ZNF777: variants seen among roughly 807,000 people sequenced by gnomAD.
The protein encoded by ZNF777 is zinc finger protein 777.
Under a neutral mutation model 72.1 loss-of-function variants are expected in ZNF777, and 7 were observed. The observed-to-expected ratio is 0.10, with a 90% CI of 0.06 to 0.18. ZNF777 has a LOEUF of 0.18. ZNF777 is among the 10% of genes least tolerant of loss of function. The probability of loss-of-function intolerance (pLI) is 1.00; values close to 1 mark genes in which losing one functional copy is unlikely to be tolerated. For missense variants in ZNF777, 828 were observed against 1,128.6 expected, an observed-to-expected ratio of 0.73 and a Z score of 3.82; for synonymous variants, 545 against 483.5, an observed-to-expected ratio of 1.13 and a Z score of -1.67.
intron 1 of ZNF777, among the ~76,000 whole-genome samples, chr7:149,457,541 T>A (rs1488697568): frequency 6.6e-6 from 1 of 152,244 alleles, no homozygotes; most frequent in East Asian, 1.9e-4. Flanking sequence ...TAGTCACCTA[T>A]CAGAGACTTA....
chr7:149,452,036 CGG>C (rs1799726759), intron 3 of ZNF777, among the ~76,000 whole-genome samples: 1 of 148,888 alleles, frequency 6.7e-6, no homozygotes, highest in African/African-American at 2.5e-5. Flanking sequence ...GAGGCCGAGG[CGG>C]GCGGATCACA....
intron 1 of ZNF777, among the ~76,000 whole-genome samples, chr7:149,457,177 C>T (rs1025720045): frequency 3.3e-5 from 5 of 152,154 alleles, no homozygotes; most frequent in South Asian, 2.1e-4. Context: ...TGTTCCTCAC[C>T]CTGCCATACT....
intron 4 of ZNF777, among the ~76,000 whole-genome samples, chr7:149,437,030 CAAGTT>C (rs1236831081): frequency 6.6e-6 from 1 of 151,976 alleles, no homozygotes; most frequent in Non-Finnish European, 1.5e-5. Flanking sequence ...AAACTGTAGT[CAAGTT>C]AAAATAGATG....
Position 149,436,757 on chromosome 7 carries a change from G to A in ZNF777, c.1157C>T (p.Pro386Leu), listed in dbSNP as rs1439245990. 1.2e-6 allele frequency: 2 copies of A among 1,614,108 alleles called. No homozygotes were observed. Among genetic ancestry groups the A allele is most frequent in the African/African-American group, 2.7e-5 (2 of 75,002 alleles). The change falls in exon 5 of 6, where the codon CCT becomes CTT. Residue 386 changes from proline to leucine, a missense_variant. Pro to Leu is a moderately conservative substitution (Grantham distance 98). This residue lies in a region of ZNF777 where 219 missense variants were observed against 223.0 expected (regional missense o/e 0.98). Transcript: ENST00000247930. The surrounding 1 kb of genome is among the most constrained non-coding windows in gnomAD (Gnocchi z 5.0). ...NDEGSESLET[P>L]EPLMGQVEEH... ...TTCCACCTGTCCCATCAGGGGCTCA[G>A]GTGTCTCCAAACTTTCTGAGCCCTC...
chr7:149,456,378 A>G lies in ZNF777; in HGVS notation c.-15-341T>C, dbSNP rs1018201404. Among the ~76,000 whole-genome samples the G allele has an allele frequency of 1.3e-5, 2 of 152,194 alleles. 1 individual carries two copies. ...AGAGCTTTTGGCCCTGTCTACACCT[A>G]TTGCCACCTGTGTCACTCTGGATCG... On this transcript the variant is annotated intron_variant, in intron 1 of 5. Coordinates refer to ENST00000247930, the MANE Select transcript of ZNF777 (RefSeq NM_015694.3).
chr7:149,443,285 C>G (rs897692125), intron 4 of ZNF777, among the ~76,000 whole-genome samples: 2 of 151,858 alleles, frequency 1.3e-5, no homozygotes, highest in African/African-American at 2.4e-5. Flanking sequence ...CTTGCCAATA[C>G]TTCTATATTG....
In ZNF777 at chr7:149,432,382, G is replaced by A. The variant is rs777701727; in HGVS notation, c.1890C>T (p.Gly630=). 30 of 1,612,750 alleles carry A rather than the reference G, an allele frequency of 1.9e-5. No homozygotes were observed. The highest frequency in any genetic ancestry group is 1.8e-4 in the South Asian group (16 of 91,092). ...GGCACTTGTAGGGCTTAGGGCCACC[G>A]CCGCCGCTACCAGAGCTGGGTGACT... ...RPKSPSSGSG[G]GGPKPYKCPE... Residue 630 remains glycine, a synonymous_variant, in exon 6 of 6, where the codon GGC becomes GGT. Coordinates refer to ENST00000247930, the MANE Select transcript of ZNF777 (RefSeq NM_015694.3).
At chr7:149,445,497 A>C (rs1212429906) in intron 4 of ZNF777, among the ~76,000 whole-genome samples, 1 of 152,162 alleles carries the variant, frequency 6.6e-6, no homozygotes, top group African/African-American at 2.4e-5. Context: ...GCTTTGGCCA[A>C]GTCATTTTAC....
At chr7:149,444,933 T>C (rs1799578925) in intron 4 of ZNF777, among the ~76,000 whole-genome samples, 1 of 152,250 alleles carries the variant, frequency 6.6e-6, no homozygotes, top group Non-Finnish European at 1.5e-5. Context: ...GGACCTTTTC[T>C]TGAATTATTT....
chr7:149,456,177 C>T (rs1799828384), intron 1 of ZNF777, 140 bp from the exon 2 acceptor site: 1 of 830,628 alleles, frequency 1.2e-6, no homozygotes, highest in Non-Finnish European at 1.7e-6. Flanking sequence ...TGAATCTCTT[C>T]TAGAGACCAC....
intron 4 of ZNF777, among the ~76,000 whole-genome samples, chr7:149,445,833 G>C (rs904420410): frequency 6.6e-6 from 1 of 152,102 alleles, no homozygotes; most frequent in Non-Finnish European, 1.5e-5. Flanking sequence ...AGCTTTAAGC[G>C]GTCTCTTTAA....
At chr7:149,456,748 C>T (rs1406480535) in intron 1 of ZNF777, among the ~76,000 whole-genome samples, 1 of 152,228 alleles carries the variant, frequency 6.6e-6, no homozygotes. Context: ...GTTTCCCAGA[C>T]TCTTACTCTT....
Position 149,460,006 on chromosome 7 carries a change from C to T in ZNF777, c.-16+809G>A, listed in dbSNP as rs1489369456. ...AGGGCGCCCCCACCCCCCGCGCCAA[C>T]GTCGTAGCGTTTCTGCCCCTTACCG... On this transcript the variant is annotated intron_variant, in intron 1 of 5. Coordinates refer to ENST00000247930, the MANE Select transcript of ZNF777 (RefSeq NM_015694.3). This position sits in a 1 kb window ranked among gnomAD's most constrained non-coding sequence, Gnocchi z 6.1. 1.2e-5 allele frequency: 12 copies of T among 966,100 alleles called. No homozygotes were observed. The highest frequency in any genetic ancestry group is 1.8e-5 in the African/African-American group (1 of 56,312). The allele number at this position is 966,100 out of a possible 1,614,324, so 59.8% of individuals were successfully genotyped here. A position where few individuals can be genotyped will look rare whatever the true frequency, so the allele number is the denominator to read the frequency against.
chr7:149,456,393 A>G (rs896034599), intron 1 of ZNF777, among the ~76,000 whole-genome samples: 6 of 151,980 alleles, frequency 3.9e-5, no homozygotes, highest in African/African-American at 1.2e-4. Context: ...CACCTGTGTC[A>G]CTCTGGATCG....
chr7:149,459,279 G>C (rs1006824257), intron 1 of ZNF777, among the ~76,000 whole-genome samples: 2 of 152,176 alleles, frequency 1.3e-5, no homozygotes, highest in Non-Finnish European at 2.9e-5. Flanking sequence ...GCGTCTCAAA[G>C]AGCAGGTCTG....
chr7:149,450,976 G>A (rs1355488418), intron 4 of ZNF777, 23 bp downstream of exon 4: 2 of 1,590,268 alleles, frequency 1.3e-6, no homozygotes, highest in African/African-American at 1.3e-5. Context: ...ATGCAGAGCT[G>A]CAGATCACCC....
chr7:149,431,650 G>T lies in ZNF777; in HGVS notation c.*126C>A. On this transcript the variant is annotated 3_prime_UTR_variant, in exon 6 of 6. Transcript: ENST00000247930. ...GTCCTTGGGAGGAGGGACGAGAGGA[G>T]AGGGGGAGCTCACGGCAAAGGGGCT... is the stretch of plus-strand genomic sequence containing the variant. 1.1e-6 allele frequency: 1 copy of T among 870,970 alleles called. No homozygotes were observed. The highest frequency in any genetic ancestry group is 1.5e-6 in the Non-Finnish European group (1 of 647,964). 54.0% of individuals were successfully genotyped at this position (870,970 alleles called of 1,614,324 possible). A position where few individuals can be genotyped will look rare whatever the true frequency, so the allele number is the denominator to read the frequency against.
chr7:149,457,762 A>C (rs190920844), intron 1 of ZNF777, among the ~76,000 whole-genome samples: 158 of 152,352 alleles, frequency 1.0e-3, no homozygotes, highest in Middle Eastern at 3.4e-3. Context: ...ATTATCCAGC[A>C]TTTATTATGT....
At chr7:149,458,542 A>AAAACC (rs1554495157) in intron 1 of ZNF777, among the ~76,000 whole-genome samples, 13 of 150,740 alleles carry the variant, frequency 8.6e-5, no homozygotes, top group African/African-American at 2.7e-4. Context: ...AAAACAAAAC[A>AAAACC]AAACCCTCCA....
Sources: allele counts gnomAD v4.1 joint callset (sites outside exome capture counted in the v4.1 genomes callset), GRCh38; gene constraint gnomAD v4.1.1; regional missense constraint gnomAD v4.1.1; non-coding constraint Gnocchi (gnomAD v3.1); transcripts MANE v1.5; gene names NCBI Gene and HGNC (gene_info 2026-07-23, HGNC 2026-07-21).